The following RPH3A variants were observed in gnomAD, a reference collection of about 807,000 sequenced individuals.
RPH3A encodes the protein rabphilin-3A.
In RPH3A, 48 loss-of-function variants were observed where a neutral mutation model predicts 102.2. The ratio of observed to expected loss-of-function variants is 0.47; its 90% CI spans 0.37 to 0.60. RPH3A has a LOEUF of 0.60. Among genes scored for constraint, RPH3A ranks in the 20% least tolerant of loss-of-function variants. The pLI is 0.00. For synonymous variants in RPH3A, 310 were observed against 324.3 expected (o/e 0.96, Z 0.47); for missense variants, 781 against 910.1 (o/e 0.86, Z 1.83).
At chr12:112,682,007 C>T (rs910506224) in intron 1 of RPH3A, among the ~76,000 whole-genome samples, 10 of 152,194 alleles carry the variant, frequency 6.6e-5, no homozygotes, top group South Asian at 2.1e-4. Flanking sequence ...TTGGATTAGT[C>T]GGGACAAGAC....
chr12:112,851,489 C>T (rs2136195301), intron 5 of RPH3A, among the ~76,000 whole-genome samples: 1 of 152,314 alleles, frequency 6.6e-6, no homozygotes, highest in African/African-American at 2.4e-5. Context: ...TCTTTACCTT[C>T]CAAAGCTGCC....
At chr12:112,715,345 A>G (rs559734922) in intron 1 of RPH3A, among the ~76,000 whole-genome samples, 1 of 152,064 alleles carries the variant, frequency 6.6e-6, no homozygotes, top group Non-Finnish European at 1.5e-5. Context: ...TCACATTGTT[A>G]TATTTTCCTC....
At chr12:112,693,837 C>T (rs1372058770) in intron 1 of RPH3A, among the ~76,000 whole-genome samples, 1 of 152,214 alleles carries the variant, frequency 6.6e-6, no homozygotes, top group Non-Finnish European at 1.5e-5. Context: ...GTTTATTTGC[C>T]ATTTATCTGT....
At chr12:112,666,111 T>C (rs1001616609) in intron 1 of RPH3A, among the ~76,000 whole-genome samples, 2 of 152,216 alleles carry the variant, frequency 1.3e-5, no homozygotes, top group African/African-American at 4.8e-5. Flanking sequence ...CTCCAACTGC[T>C]TGCCTTTACC....
At chr12:112,604,638 G>A (rs565906750) in intron 1 of RPH3A, among the ~76,000 whole-genome samples, 20 of 152,208 alleles carry the variant, frequency 1.3e-4, no homozygotes, top group Admixed American at 2.6e-4. Context: ...TGACATTTAC[G>A]ATCTCATGTA....
chr12:112,731,073 T>C (rs1565863743), intron 1 of RPH3A, among the ~76,000 whole-genome samples: 2 of 152,190 alleles, frequency 1.3e-5, no homozygotes, highest in Non-Finnish European at 2.9e-5. Context: ...CTAGGAGCTC[T>C]GTGTTAGAGT....
At chr12:112,753,937 T>A (rs1592981001) in intron 1 of RPH3A, among the ~76,000 whole-genome samples, 1 of 151,740 alleles carries the variant, frequency 6.6e-6, no homozygotes, top group Admixed American at 6.6e-5. Flanking sequence ...AGGGTCAGAG[T>A]TCATAGCAGG....
intron 1 of RPH3A, among the ~76,000 whole-genome samples, chr12:112,667,692 GA>G (rs2040096416): frequency 2.0e-5 from 3 of 150,380 alleles, no homozygotes; most frequent in Non-Finnish European, 3.0e-5. Context: ...GAGAGAGAGA[GA>G]GAGAGAGAGA....
At chr12:112,577,895 C>T (rs560356830) in intron 1 of RPH3A, among the ~76,000 whole-genome samples, 1 of 152,152 alleles carries the variant, frequency 6.6e-6, no homozygotes, top group Admixed American at 6.5e-5. Context: ...TTCTTGTATT[C>T]CCACATGTCA....
At chr12:112,875,590 C>T in intron 11 of RPH3A, 89 bp from the exon 12 acceptor site, 1 of 1,167,726 alleles carries the variant, frequency 8.6e-7, no homozygotes. Flanking sequence ...GGCCTGTGTC[C>T]ACACCTGTGA....
At chr12:112,638,846 C>T (rs1381674403) in intron 1 of RPH3A, among the ~76,000 whole-genome samples, 1 of 152,170 alleles carries the variant, frequency 6.6e-6, no homozygotes, top group Non-Finnish European at 1.5e-5. Context: ...GATAGAGAAA[C>T]TGCAATCTAT....
chr12:112,589,922 A>G (rs940596381), intron 1 of RPH3A, among the ~76,000 whole-genome samples: 3 of 152,130 alleles, frequency 2.0e-5, no homozygotes, highest in Admixed American at 2.0e-4. Flanking sequence ...ATCTCTACTA[A>G]AAATATAAAA....
chr12:112,638,784 T>A (rs2039865512), intron 1 of RPH3A, among the ~76,000 whole-genome samples: 1 of 152,156 alleles, frequency 6.6e-6, no homozygotes, highest in South Asian at 2.1e-4. Context: ...TCTTCAAGTA[T>A]CCTGAGATAG....
intron 1 of RPH3A, among the ~76,000 whole-genome samples, chr12:112,764,249 T>C (rs111306006): frequency 0.016 from 2,387 of 152,250 alleles, 74 homozygotes; most frequent in African/African-American, 0.055. Context: ...ATGTACCAAC[T>C]TGAGATTAAG....
rs371024774 is a variant in RPH3A, at chr12:112,736,261, G to C, written c.-139-55882G>C. On this transcript the variant is annotated intron_variant, in intron 1 of 21. Transcript: ENST00000543106. ...GTTGTGACAACTGAAACTGCCTCCA[G>C]ACATTGCCCAATGTCCCTGAGGGAC... Among the ~76,000 whole-genome samples, 17 of 152,310 alleles carry C rather than the reference G, an allele frequency of 1.1e-4. No individual in the cohort carries two copies. The East Asian group carries it at 2.3e-3, about 21-fold the overall frequency.
chr12:112,810,114 T>A lies in RPH3A; in HGVS notation c.-19+17851T>A, dbSNP rs375102813. Among the ~76,000 whole-genome samples, 59 of 152,282 alleles carry A rather than the reference T, an allele frequency of 3.9e-4. 1 individual carries two copies. In the Middle Eastern group the frequency reaches 0.01, roughly 26 times the overall value. On this transcript the variant is annotated intron_variant, in intron 2 of 21. Coordinates refer to ENST00000389385, the MANE Select transcript of RPH3A (RefSeq NM_001143854.2). ...CTCAGACTCCAAACTAAGAAATAAA[T>A]CTGCAAAATCTCAATGCTTCTTTAA...
upstream of RPH3A, among the ~76,000 whole-genome samples, chr12:112,786,997 T>G (rs1249428326): frequency 6.6e-6 from 1 of 152,134 alleles, no homozygotes; most frequent in Non-Finnish European, 1.5e-5. Flanking sequence ...CCTGGTAGCT[T>G]CTTCCACCAT....
At chr12:112,657,833 A>G (rs950778073) in intron 1 of RPH3A, among the ~76,000 whole-genome samples, 3 of 152,214 alleles carry the variant, frequency 2.0e-5, no homozygotes, top group Non-Finnish European at 4.4e-5. Context: ...GTGATTTTAA[A>G]TAGGAGGTCA....
chr12:112,614,088 G>A (rs1320100567), intron 1 of RPH3A, among the ~76,000 whole-genome samples: 3 of 152,134 alleles, frequency 2.0e-5, no homozygotes, highest in African/African-American at 2.4e-5. Context: ...GCAAAGAAAT[G>A]GATTCTCCCT....
Sources: gnomAD v4.1 joint callset for allele counts (sites outside exome capture counted in the v4.1 genomes callset) on GRCh38, gnomAD v4.1.1 for gene constraint, MANE v1.5 for transcripts, NCBI Gene and HGNC (gene_info 2026-07-23, HGNC 2026-07-21) for gene names.